The following SLC38A11 variants were observed in gnomAD, a reference collection of about 807,000 sequenced individuals.
The protein encoded by SLC38A11 is solute carrier family 38 member 11, also known as putative sodium-coupled neutral amino acid transporter 11.
SLC38A11 carries 51 observed loss-of-function variants against 49.4 expected under a neutral mutation model. The observed-to-expected ratio is 1.03, with a 90% CI of 0.83 to 1.30. The LOEUF is 1.30. Ranked by LOEUF, SLC38A11 falls within the 50% of genes most tolerant of loss-of-function variation. The pLI is 0.00. For synonymous variants in SLC38A11, 203 were observed against 192.9 expected (o/e 1.05, Z -0.43); for missense variants, 574 against 556.2 (o/e 1.03, Z -0.32).
intron 5 of SLC38A11, among the ~76,000 whole-genome samples, chr2:164,942,947 G>A (rs780275914): frequency 6.6e-6 from 1 of 152,186 alleles, no homozygotes; most frequent in Non-Finnish European, 1.5e-5. Flanking sequence ...CTGGTCATTC[G>A]TGAGTCTGTG....
chr2:164,932,106 G>A (rs1200109901), intron 7 of SLC38A11, among the ~76,000 whole-genome samples: 1 of 151,818 alleles, frequency 6.6e-6, no homozygotes, highest in East Asian at 1.9e-4. Context: ...GTAGGCAAAG[G>A]ACATGAACAC....
intron 9 of SLC38A11, among the ~76,000 whole-genome samples, chr2:164,913,413 G>T (rs1685542740): frequency 6.6e-6 from 1 of 152,018 alleles, no homozygotes; most frequent in Non-Finnish European, 1.5e-5. Flanking sequence ...CGCCTCTCAA[G>T]CTGAAATTTA....
At chr2:164,915,653 G>A (rs1033599417) in intron 8 of SLC38A11, 7 of 450,294 alleles carry the variant, frequency 1.6e-5, no homozygotes, top group African/African-American at 9.8e-5. Context: ...AGCCTTCCAA[G>A]TTAAGAAACA....
chr2:164,937,459 G>C lies in SLC38A11; in HGVS notation c.538-30C>G, dbSNP rs369352669. ...AAAAGAAAATACAAGGATATTGCCG[G>C]TTTAGGACAGAAATTATTTTATTTA... On this transcript the variant is annotated intron_variant, in intron 6 of 11. Transcript: ENST00000685975. 1.4e-5 allele frequency: 18 copies of C among 1,279,404 alleles called. No homozygotes were observed. The East Asian group carries it at 2.8e-4, about 20-fold the overall frequency. 79.3% of individuals were successfully genotyped at this position (1,279,404 alleles called of 1,614,324 possible). A position where few individuals can be genotyped will look rare whatever the true frequency, so the allele number is the denominator to read the frequency against.
intron 7 of SLC38A11, among the ~76,000 whole-genome samples, chr2:164,931,590 A>C (rs1044717784): frequency 3.3e-5 from 5 of 152,184 alleles, no homozygotes; most frequent in African/African-American, 1.2e-4. Context: ...GATCAATGGA[A>C]CAGAATAAAA....
intron 7 of SLC38A11, among the ~76,000 whole-genome samples, chr2:164,922,560 T>G (rs998556428): frequency 8.5e-5 from 13 of 152,158 alleles, no homozygotes; most frequent in Non-Finnish European, 1.8e-4. Context: ...CTCTGAACAT[T>G]AAAACTGATT....
intron 3 of SLC38A11, among the ~76,000 whole-genome samples, chr2:164,952,442 A>G (rs562654854): frequency 2.0e-5 from 3 of 152,214 alleles, no homozygotes; most frequent in Non-Finnish European, 2.9e-5. Context: ...CCCATCTACT[A>G]CTTTCTGCAA....
rs1685699677 is a variant in SLC38A11, at chr2:164,915,279, AT to A, written c.689-7del. ...GTTATGGTGGCAAATAAATGCTGCAATACAAAAAAAAAGAGCATTATTAAAT... is the reference window on the plus strand; with the variant it reads ...GTTATGGTGGCAAATAAATGCTGCAAACAAAAAAAAAGAGCATTATTAAAT... On this transcript the variant is annotated splice_region_variant and splice_polypyrimidine_tract_variant and intron_variant, in intron 8 of 11. Coordinates refer to ENST00000685975, the MANE Select transcript of SLC38A11 (RefSeq NM_001351537.2). The A allele has an allele frequency of 6.3e-7, 1 of 1,583,208 alleles. No homozygotes were observed. The highest frequency in any genetic ancestry group is 8.5e-7 in the Non-Finnish European group (1 of 1,170,292).
At chr2:164,943,564 T>G (rs1390616958) in intron 5 of SLC38A11, among the ~76,000 whole-genome samples, 5 of 152,084 alleles carry the variant, frequency 3.3e-5, no homozygotes, top group South Asian at 2.1e-4. Context: ...GGGAGAGAAA[T>G]CTCATCAGGA....
chr2:164,949,127 T>G (rs947420267), intron 3 of SLC38A11, among the ~76,000 whole-genome samples: 4 of 152,000 alleles, frequency 2.6e-5, no homozygotes, highest in Admixed American at 1.3e-4. Flanking sequence ...TGGTGATCGG[T>G]ATATATTTGC....
intron 7 of SLC38A11, among the ~76,000 whole-genome samples, chr2:164,930,934 G>A (rs1318041117): frequency 1.3e-5 from 2 of 151,890 alleles, no homozygotes; most frequent in Non-Finnish European, 2.9e-5. Flanking sequence ...AGAAATAAAG[G>A]GCATGCAAAT....
At chr2:164,938,422 G>GA (rs1215572309) in intron 6 of SLC38A11, among the ~76,000 whole-genome samples, 1 of 151,944 alleles carries the variant, frequency 6.6e-6, no homozygotes, top group Non-Finnish European at 1.5e-5. Flanking sequence ...GGGCATTTAG[G>GA]AAAAAATGCT....
At chr2:164,943,902 C>T (rs532738951) in intron 5 of SLC38A11, among the ~76,000 whole-genome samples, 1 of 152,178 alleles carries the variant, frequency 6.6e-6, no homozygotes, top group East Asian at 1.9e-4. Flanking sequence ...TGTTGCCCAA[C>T]CTGCAGGGCA....
At chr2:164,943,625 G>A (rs1214624893) in intron 5 of SLC38A11, among the ~76,000 whole-genome samples, 1 of 152,112 alleles carries the variant, frequency 6.6e-6, no homozygotes, top group Non-Finnish European at 1.5e-5. Flanking sequence ...GGGAAATGGG[G>A]AAAACTGGAG....
chr2:164,906,943 A>G (rs934710215), intron 11 of SLC38A11, among the ~76,000 whole-genome samples: 1 of 152,172 alleles, frequency 6.6e-6, no homozygotes, highest in African/African-American at 2.4e-5. Context: ...CTATGCCTCA[A>G]TTCTCAATGA....
chr2:164,905,942 G>A (rs1472050712), intron 11 of SLC38A11, among the ~76,000 whole-genome samples: 1 of 151,982 alleles, frequency 6.6e-6, no homozygotes, highest in East Asian at 1.9e-4. Flanking sequence ...TTCAATATAA[G>A]TATAATAGAG....
At chr2:164,945,380 A>G (rs1688035965) in intron 4 of SLC38A11, among the ~76,000 whole-genome samples, 1 of 152,078 alleles carries the variant, frequency 6.6e-6, no homozygotes, top group Non-Finnish European at 1.5e-5. Context: ...CCTAGTGAAA[A>G]TAACCCTCAT....
intron 3 of SLC38A11, among the ~76,000 whole-genome samples, chr2:164,951,860 C>G (rs901607300): frequency 6.6e-6 from 1 of 152,078 alleles, no homozygotes; most frequent in African/African-American, 2.4e-5. Flanking sequence ...AAGGAGACCC[C>G]CTGGAGGCCC....
intron 7 of SLC38A11, among the ~76,000 whole-genome samples, chr2:164,921,794 G>A (rs183269018): frequency 2.0e-5 from 3 of 152,258 alleles, no homozygotes; most frequent in African/African-American, 7.2e-5. Context: ...AATGATTCGT[G>A]TTTCAAAATA....
Sources: allele counts gnomAD v4.1 joint callset (sites outside exome capture counted in the v4.1 genomes callset), GRCh38; gene constraint gnomAD v4.1.1; transcripts MANE v1.5; gene names NCBI Gene and HGNC (gene_info 2026-07-23, HGNC 2026-07-21).